WWC2: variants seen among roughly 807,000 people sequenced by gnomAD.
WWC2 encodes the protein WW and C2 domain containing 2.
Under a neutral mutation model 138.5 loss-of-function variants are expected in WWC2, and 101 were observed. The observed-to-expected ratio is 0.73, with a 90% CI of 0.62 to 0.86. WWC2 has a LOEUF of 0.86. Among genes scored for constraint, WWC2 ranks in the 40% least tolerant of loss-of-function variants. The pLI is 0.00. For missense variants in WWC2, 1,420 were observed against 1,419.4 expected, an observed-to-expected ratio of 1.00 and a Z score of -0.01; for synonymous variants, 558 against 538.4, an observed-to-expected ratio of 1.04 and a Z score of -0.50.
chr4:183,258,071 T>C (rs1737205616), intron 9 of WWC2, among the ~76,000 whole-genome samples: 1 of 152,214 alleles, frequency 6.6e-6, no homozygotes, highest in South Asian at 2.1e-4. Flanking sequence ...GACGTCATCC[T>C]GGTGCCTCCT....
In WWC2 at chr4:183,294,756, G is replaced by T. The variant is rs1240634992; in HGVS notation, c.3384+5121G>T. Among the ~76,000 whole-genome samples, 3 of 84,210 alleles carry T rather than the reference G, an allele frequency of 3.6e-5. 1 individual carries two copies. The East Asian group carries it at 8.3e-4, about 23-fold the overall frequency. 55.2% of individuals were successfully genotyped at this position (84,210 alleles called of 152,430 possible). On this transcript the variant is annotated intron_variant, in intron 21 of 22. Coordinates refer to ENST00000403733, the MANE Select transcript of WWC2 (RefSeq NM_024949.6). ...AGTACCATAAATATACTGTTTTCCT[G>T]AGTGTTTTTTTTTTATTGTCTTTCA...
intron 4 of WWC2, among the ~76,000 whole-genome samples, chr4:183,215,692 T>C (rs1362700466): frequency 6.6e-6 from 1 of 152,174 alleles, no homozygotes; most frequent in Non-Finnish European, 1.5e-5. Context: ...CTTTGAAGGG[T>C]ATGAAACTGC....
intron 1 of WWC2, among the ~76,000 whole-genome samples, chr4:183,179,325 T>A (rs139753787): frequency 6.6e-6 from 1 of 152,188 alleles, no homozygotes; most frequent in Non-Finnish European, 1.5e-5. Flanking sequence ...AAGGAGGGTA[T>A]ATCCATGTAT....
rs369581511 is a variant in WWC2 at position 183,169,009 on chromosome 4, C to T, written c.132-24590C>T. ...TATTACAGGCGTGCACCACCACGCC[C>T]GGCTAATTTTCTGTTTTTAGTAGAG... On this transcript the variant is annotated intron_variant, in intron 1 of 22. Coordinates refer to ENST00000403733, the MANE Select transcript of WWC2 (RefSeq NM_024949.6). Among the ~76,000 whole-genome samples, 214 of 152,166 alleles carry T rather than the reference C, an allele frequency of 1.4e-3. 1 individual carries two copies. Among genetic ancestry groups the T allele is most frequent in the African/African-American group, 4.9e-3 (203 of 41,524 alleles).
chr4:183,213,218 G>C (rs1463607563), intron 4 of WWC2, among the ~76,000 whole-genome samples: 1 of 152,208 alleles, frequency 6.6e-6, no homozygotes, highest in Non-Finnish European at 1.5e-5. Flanking sequence ...TTTGGTATCT[G>C]TGTCCGTTTT....
At chr4:183,292,160 C>T (rs71620985) in intron 21 of WWC2, among the ~76,000 whole-genome samples, 31,823 of 151,894 alleles carry the variant, frequency 0.21, 3,463 homozygotes, top group South Asian at 0.24. Context: ...TGCACCACTG[C>T]GTTCCAGCTT....
intron 4 of WWC2, among the ~76,000 whole-genome samples, chr4:183,228,087 A>G (rs1208300518): frequency 2.0e-5 from 3 of 152,110 alleles, no homozygotes; most frequent in Admixed American, 6.5e-5. Context: ...ACCTAACAAC[A>G]AAGATACAGA....
intron 21 of WWC2, among the ~76,000 whole-genome samples, chr4:183,304,598 C>G (rs190512239): frequency 1.3e-5 from 2 of 152,274 alleles, no homozygotes; most frequent in Admixed American, 1.3e-4. Context: ...AACTCTAGCC[C>G]CCTCTAGTCT....
chr4:183,263,473 A>T (rs1393729570), intron 11 of WWC2, among the ~76,000 whole-genome samples: 1 of 152,206 alleles, frequency 6.6e-6, no homozygotes, highest in African/African-American at 2.4e-5. Flanking sequence ...AACCTTTGTG[A>T]AACAGTTTTT....
chr4:183,287,284 T>C (rs1384380842), intron 20 of WWC2, among the ~76,000 whole-genome samples: 2 of 152,246 alleles, frequency 1.3e-5, no homozygotes, highest in East Asian at 3.8e-4. Context: ...TTCGTCATTT[T>C]CAGGAAATTC....
In WWC2 at chr4:183,127,727, A is replaced by G. The variant is rs568812075; in HGVS notation, c.131+28105A>G. ...CACCATATTAATCATTTTACTATCT[A>G]TATTATATACCTTAAATGTGTACAA... On this transcript the variant is annotated intron_variant, in intron 1 of 22. Coordinates refer to ENST00000403733, the MANE Select transcript of WWC2 (RefSeq NM_024949.6). Among the ~76,000 whole-genome samples the G allele has an allele frequency of 7.7e-4, 118 of 152,340 alleles. 1 individual carries two copies. The highest frequency in any genetic ancestry group is 2.7e-3 in the African/African-American group (113 of 41,590).
chr4:183,155,094 C>A (rs1282935377), intron 1 of WWC2, among the ~76,000 whole-genome samples: 1 of 148,738 alleles, frequency 6.7e-6, no homozygotes, highest in Non-Finnish European at 1.5e-5. Context: ...AATTGACATT[C>A]AAACATGAAG....
chr4:183,132,399 A>G (rs1308897634), intron 1 of WWC2, among the ~76,000 whole-genome samples: 1 of 152,058 alleles, frequency 6.6e-6, no homozygotes, highest in Non-Finnish European at 1.5e-5. Flanking sequence ...CTAGCTTGCT[A>G]AGAGGTTTCT....
intron 1 of WWC2, among the ~76,000 whole-genome samples, chr4:183,138,299 C>G (rs72695791): frequency 0.037 from 5,674 of 152,178 alleles, 127 homozygotes; most frequent in African/African-American, 0.051. Context: ...ATAAGAGGAT[C>G]TAGTCTCTTT....
At chr4:183,211,535 C>G (rs1240130993) in intron 4 of WWC2, among the ~76,000 whole-genome samples, 1 of 152,128 alleles carries the variant, frequency 6.6e-6, no homozygotes, top group East Asian at 1.9e-4. Flanking sequence ...CAGTCCTTCT[C>G]TAAGGGCGGG....
intron 1 of WWC2, among the ~76,000 whole-genome samples, chr4:183,148,193 G>A (rs1352271360): frequency 8.5e-5 from 13 of 152,118 alleles, no homozygotes; most frequent in Admixed American, 8.5e-4. Context: ...GCAAAACTGA[G>A]TTTTTTTGGG....
At chr4:183,185,047 A>G (rs1734749457) in intron 1 of WWC2, among the ~76,000 whole-genome samples, 1 of 152,198 alleles carries the variant, frequency 6.6e-6, no homozygotes, top group African/African-American at 2.4e-5. Flanking sequence ...TTTAAACAAT[A>G]GCACTCAAGG....
intron 16 of WWC2, among the ~76,000 whole-genome samples, chr4:183,279,945 T>A (rs1394627010): frequency 2.6e-5 from 4 of 152,116 alleles, no homozygotes; most frequent in Non-Finnish European, 5.9e-5. Context: ...AAAACTTAAA[T>A]TTTTCTCTCA....
At chr4:183,296,928 C>A (rs549248039) in intron 21 of WWC2, among the ~76,000 whole-genome samples, 1 of 83,026 alleles carries the variant, frequency 1.2e-5, no homozygotes, top group South Asian at 4.9e-4. Flanking sequence ...AGCGAGACTC[C>A]GTCTCAAAAA....
Sources: allele counts gnomAD v4.1 joint callset (sites outside exome capture counted in the v4.1 genomes callset), GRCh38; gene constraint gnomAD v4.1.1; transcripts MANE v1.5; gene names NCBI Gene and HGNC (gene_info 2026-07-23, HGNC 2026-07-21).